GRIA1: variants seen among roughly 807,000 people sequenced by gnomAD.
The protein encoded by GRIA1 is glutamate receptor 1.
A neutral mutation model predicts 99.2 loss-of-function variants in GRIA1; 31 were observed. That is an observed-to-expected ratio of 0.31 (90% CI 0.23 to 0.42). The LOEUF is 0.42. Ranked by LOEUF, GRIA1 falls within the 10% of genes least tolerant of loss-of-function variation. The probability of loss-of-function intolerance (pLI) is 1.00; values close to 1 mark genes in which losing one functional copy is unlikely to be tolerated. For missense variants in GRIA1, 782 were observed against 1,157.5 expected (o/e 0.68, Z 4.71); for synonymous variants, 438 against 432.4 (o/e 1.01, Z -0.16).
chr5:153,505,606 C>G (rs953614158), intron 2 of GRIA1, among the ~76,000 whole-genome samples: 4 of 152,158 alleles, frequency 2.6e-5, no homozygotes, highest in Non-Finnish European at 4.4e-5. Context: ...AGGAAATGCT[C>G]AATGTTATAT....
chr5:153,731,307 G>GC (rs1761004253), intron 11 of GRIA1, among the ~76,000 whole-genome samples: 1 of 150,436 alleles, frequency 6.6e-6, no homozygotes, highest in African/African-American at 2.4e-5. Context: ...AAACTCCTGG[G>GC]CCCTTTTTGA....
chr5:153,800,174 C>A (rs1489207575), intron 14 of GRIA1, among the ~76,000 whole-genome samples: 1 of 152,176 alleles, frequency 6.6e-6, no homozygotes, highest in Non-Finnish European at 1.5e-5. Flanking sequence ...GCCCTCAGGC[C>A]TGTCCCTCTA....
At chr5:153,675,812 A>G (rs1756529000) in intron 6 of GRIA1, among the ~76,000 whole-genome samples, 1 of 152,180 alleles carries the variant, frequency 6.6e-6, no homozygotes, top group African/African-American at 2.4e-5. Flanking sequence ...TTGCACTCCA[A>G]TTTCCAAAAG....
At position 153,661,519 on chromosome 5, in the gene GRIA1, G is replaced by C. The variant is rs151232252; in HGVS notation, c.699+5647G>C. ...TTTTCACTTACTATACTTGAGATTA[G>C]ATAACTGATTCTCTATTATTTCATG... On this transcript the variant is annotated intron_variant, in intron 5 of 15. Coordinates refer to ENST00000285900, the MANE Select transcript of GRIA1 (RefSeq NM_000827.4). Among the ~76,000 whole-genome samples the C allele has an allele frequency of 4.6e-5, 7 of 152,202 alleles. No individual in the cohort carries two copies. In the East Asian group the frequency reaches 1.4e-3, roughly 29 times the overall value.
chr5:153,681,202 C>T (rs1333135823), intron 7 of GRIA1, among the ~76,000 whole-genome samples: 1 of 152,138 alleles, frequency 6.6e-6, no homozygotes, highest in Non-Finnish European at 1.5e-5. Context: ...GTGACAGGCT[C>T]TTTTACACAA....
chr5:153,650,270 T>G (rs1754457864), intron 3 of GRIA1, 60 bp from the exon 4 acceptor site: 9 of 1,475,836 alleles, frequency 6.1e-6, no homozygotes, highest in Non-Finnish European at 5.6e-6. Context: ...CTGATGGGAG[T>G]GGGTGGTGCC....
intron 2 of GRIA1, among the ~76,000 whole-genome samples, chr5:153,577,489 C>T (rs1402286511): frequency 6.6e-6 from 1 of 152,180 alleles, no homozygotes; most frequent in African/African-American, 2.4e-5. Context: ...CTTTTGTACC[C>T]TGTGTAGATA....
intron 11 of GRIA1, among the ~76,000 whole-genome samples, chr5:153,747,191 G>A (rs1254358919): frequency 6.6e-6 from 1 of 152,186 alleles, no homozygotes; most frequent in Non-Finnish European, 1.5e-5. Context: ...AGCTCTTCTG[G>A]TGAGGCCTCA....
intron 11 of GRIA1, among the ~76,000 whole-genome samples, chr5:153,738,700 C>T (rs527372529): frequency 3.1e-4 from 45 of 146,760 alleles, no homozygotes; most frequent in Non-Finnish European, 3.3e-4. Flanking sequence ...TATAATGTTG[C>T]GTGTTCATCT....
At chr5:153,671,577 G>A (rs1418396752) in intron 5 of GRIA1, among the ~76,000 whole-genome samples, 1 of 152,186 alleles carries the variant, frequency 6.6e-6, no homozygotes, top group African/African-American at 2.4e-5. Context: ...AACTGTGGCT[G>A]TGGAACACGT....
rs1764946302 is a variant in GRIA1, at chr5:153,786,037, T to C, written c.2271-8584T>C. Among the ~76,000 whole-genome samples, 5 of 152,214 alleles carry C rather than the reference T, an allele frequency of 3.3e-5. No homozygotes were observed. The South Asian group carries it at 1.0e-3, about 31-fold the overall frequency. On this transcript the variant is annotated intron_variant, in intron 13 of 15. Coordinates refer to ENST00000285900, the MANE Select transcript of GRIA1 (RefSeq NM_000827.4). Reference sequence around the variant, plus strand: ...TCTCCATGATCCCTGGATCCAGGGTTAAAATTTTCAACCTTGTCTCTTCCT... The same window carrying C: ...TCTCCATGATCCCTGGATCCAGGGTCAAAATTTTCAACCTTGTCTCTTCCT...
intron 2 of GRIA1, among the ~76,000 whole-genome samples, chr5:153,619,001 A>G (rs1018514738): frequency 3.3e-5 from 5 of 152,230 alleles, no homozygotes; most frequent in African/African-American, 7.2e-5. Context: ...TAATGGAGGC[A>G]TTTCAAGATA....
At chr5:153,648,255 G>C (rs534025175) in intron 3 of GRIA1, among the ~76,000 whole-genome samples, 1 of 152,266 alleles carries the variant, frequency 6.6e-6, no homozygotes, top group East Asian at 1.9e-4. Context: ...TCCCCACTTT[G>C]ATGACTTCCC....
intron 2 of GRIA1, among the ~76,000 whole-genome samples, chr5:153,532,987 T>G (rs1417145441): frequency 6.6e-6 from 1 of 152,256 alleles, no homozygotes; most frequent in Non-Finnish European, 1.5e-5. Context: ...TAATTATGGT[T>G]GTTAGTAACA....
intron 2 of GRIA1, among the ~76,000 whole-genome samples, chr5:153,548,186 A>T (rs754407440): frequency 6.6e-6 from 1 of 152,146 alleles, no homozygotes; most frequent in Non-Finnish European, 1.5e-5. Flanking sequence ...TGTGATTTCA[A>T]CTAACAGAAT....
intron 2 of GRIA1, among the ~76,000 whole-genome samples, chr5:153,551,346 A>G (rs972942061): frequency 2.0e-4 from 23 of 114,164 alleles, no homozygotes; most frequent in South Asian, 5.0e-4. Context: ...ATCTTTTTAC[A>G]GTTTTTTTTG....
chr5:153,641,734 C>T (rs1021302988), intron 2 of GRIA1, among the ~76,000 whole-genome samples: 2 of 152,236 alleles, frequency 1.3e-5, no homozygotes, highest in African/African-American at 4.8e-5. Context: ...GCTGATTCCT[C>T]CTTATCTTTC....
chr5:153,803,068 C>T (rs1037439521), intron 15 of GRIA1, among the ~76,000 whole-genome samples: 2 of 152,026 alleles, frequency 1.3e-5, no homozygotes, highest in African/African-American at 4.8e-5. Context: ...TGTAAAATAC[C>T]AATATTTTCC....
intron 2 of GRIA1, among the ~76,000 whole-genome samples, chr5:153,507,961 T>C (rs2113289366): frequency 6.6e-6 from 1 of 152,278 alleles, no homozygotes; most frequent in African/African-American, 2.4e-5. Flanking sequence ...TCTGAAATAG[T>C]CTCTACCACA....
Sources: allele counts gnomAD v4.1 joint callset (sites outside exome capture counted in the v4.1 genomes callset), GRCh38; gene constraint gnomAD v4.1.1; transcripts MANE v1.5; gene names NCBI Gene and HGNC (gene_info 2026-07-23, HGNC 2026-07-21).